CCDC30: variants seen among roughly 807,000 people sequenced by gnomAD.
CCDC30 encodes the protein coiled-coil domain containing 30, also known as coiled-coil domain-containing protein 30.
Under a neutral mutation model 100.2 loss-of-function variants are expected in CCDC30, and 70 were observed. The observed-to-expected ratio is 0.70, with a 90% CI of 0.58 to 0.85. CCDC30 has a LOEUF of 0.85. Among genes scored for constraint, CCDC30 ranks in the 40% least tolerant of loss-of-function variants. The pLI, the probability that CCDC30 is intolerant of heterozygous loss-of-function variation, is 0.00. For synonymous variants in CCDC30, 233 were observed against 269.5 expected (o/e 0.86, Z 1.33); for missense variants, 652 against 771.2 (o/e 0.85, Z 1.83).
chr1:42,467,781 AG>A (rs1253099331), intron 1 of CCDC30: 1 of 152,234 alleles, frequency 6.6e-6, no homozygotes, highest in Non-Finnish European at 1.5e-5. Context: ...GGGAAAATAC[AG>A]GTAACTTTGG....
intron 6 of CCDC30, among the ~76,000 whole-genome samples, chr1:42,541,985 A>G (rs1645020635): frequency 1.3e-5 from 2 of 152,238 alleles, no homozygotes. Context: ...ACTGCTGCCA[A>G]GTTACATGGT....
chr1:42,594,549 A>T (rs895393436), intron 10 of CCDC30: 1 of 152,186 alleles, frequency 6.6e-6, no homozygotes, highest in Admixed American at 6.5e-5. Context: ...CCAGGAACTT[A>T]TAATTAAGCA....
chr1:42,482,128 G>A (rs1208999545), intron 2 of CCDC30, among the ~76,000 whole-genome samples: 1 of 151,336 alleles, frequency 6.6e-6, no homozygotes, highest in Non-Finnish European at 1.5e-5. Flanking sequence ...TGAGGCAGGA[G>A]AATCGCTTGA....
At chr1:42,474,899 C>T (rs546210169) in intron 1 of CCDC30, among the ~76,000 whole-genome samples, 1 of 152,286 alleles carries the variant, frequency 6.6e-6, no homozygotes, top group East Asian at 1.9e-4. Context: ...ATATTAACTG[C>T]AAGCTTTTCA....
chr1:42,549,100 A>T (rs1478508915), intron 6 of CCDC30, among the ~76,000 whole-genome samples: 1 of 152,168 alleles, frequency 6.6e-6, no homozygotes, highest in Non-Finnish European at 1.5e-5. Context: ...AAACTTTAGG[A>T]ATTCTGCAGA....
At chr1:42,515,752 C>A (rs1644546663) in intron 6 of CCDC30, among the ~76,000 whole-genome samples, 1 of 152,178 alleles carries the variant, frequency 6.6e-6, no homozygotes, top group Non-Finnish European at 1.5e-5. Context: ...ATTTTACTAT[C>A]TGTCTCTATG....
At chr1:42,463,873 G>T (rs1643483999) in exon 1 of CCDC30, 1 of 152,152 alleles carries the variant, frequency 6.6e-6, no homozygotes, top group South Asian at 2.1e-4. Context: ...GAGGCCTTTT[G>T]TATCCTCAAC....
chr1:42,486,620 A>C (rs1276741032), intron 3 of CCDC30, among the ~76,000 whole-genome samples: 5 of 152,200 alleles, frequency 3.3e-5, no homozygotes, highest in Non-Finnish European at 5.9e-5. Context: ...CTCCACTGGG[A>C]GCGGACTCTT....
At chr1:42,461,298 C>T (rs1643404120), upstream of CCDC30, among the ~76,000 whole-genome samples, 1 of 152,128 alleles carries the variant, frequency 6.6e-6, no homozygotes, top group Non-Finnish European at 1.5e-5. Flanking sequence ...AAAAATACTG[C>T]AGCAGTCAAG....
Position 42,477,625 on chromosome 1 carries a change from G to C in CCDC30, c.-91-2836G>C, listed in dbSNP as rs139936501. 2.6e-5 allele frequency among the ~76,000 whole-genome samples: 4 copies of C among 152,350 alleles called. No individual in the cohort carries two copies. In the East Asian group the frequency reaches 7.7e-4, roughly 29 times the overall value. On this transcript the variant is annotated intron_variant, in intron 1 of 16. Coordinates refer to ENST00000668663, the Ensembl canonical transcript of CCDC30. Reference sequence around the variant, plus strand: ...AGCATGTTAATGATTTGGACTGCCAGTAAGCCTCAGTTTGTAAATCAATCC... The same window carrying C: ...AGCATGTTAATGATTTGGACTGCCACTAAGCCTCAGTTTGTAAATCAATCC...
the CCDC30 span, chr1:42,457,409 C>A: frequency 6.9e-7 from 1 of 1,455,086 alleles, no homozygotes; most frequent in Non-Finnish European, 9.7e-7. Context: ...GGGTTAATTT[C>A]CTCTTGATCT....
At chr1:42,637,470 C>A (rs1647183238) in intron 12 of CCDC30, 92 bp downstream of exon 16, 2 of 1,181,958 alleles carry the variant, frequency 1.7e-6, no homozygotes, top group South Asian at 1.3e-5. Flanking sequence ...TTATTTGAGA[C>A]CCCTTCATAG....
chr1:42,572,020 A>C (rs1407235034), intron 7 of CCDC30, among the ~76,000 whole-genome samples: 2 of 152,228 alleles, frequency 1.3e-5, no homozygotes, highest in Non-Finnish European at 2.9e-5. Context: ...ACACTCATGC[A>C]CATGTATCCT....
intron 10 of CCDC30, among the ~76,000 whole-genome samples, chr1:42,603,945 C>T (rs12072611): frequency 0.033 from 4,968 of 152,276 alleles, 281 homozygotes; most frequent in African/African-American, 0.11. Flanking sequence ...AAGGGACACG[C>T]ATAGTGGCTC....
chr1:42,611,248 T>A (rs2148642233), intron 11 of CCDC30, among the ~76,000 whole-genome samples, 158 bp downstream of exon 15: 1 of 152,246 alleles, frequency 6.6e-6, no homozygotes, highest in South Asian at 2.1e-4. Context: ...TCCACAGGGC[T>A]TTTCCTAGGG....
intron 6 of CCDC30, chr1:42,537,987 C>T (rs1644937810): frequency 7.2e-6 from 1 of 138,614 alleles, no homozygotes; most frequent in Admixed American, 7.3e-5. Flanking sequence ...AAAAAAAAAT[C>T]TGCATTTAGC....
intron 10 of CCDC30, chr1:42,593,877 G>C (rs993835149): frequency 4.0e-4 from 61 of 152,240 alleles, no homozygotes; most frequent in African/African-American, 1.3e-3. Context: ...CTTGATCCCT[G>C]CTAGCAGGGA....
chr1:42,584,179 T>C (rs1646022746), intron 9 of CCDC30, among the ~76,000 whole-genome samples: 1 of 152,228 alleles, frequency 6.6e-6, no homozygotes, highest in African/African-American at 2.4e-5. Flanking sequence ...TATTATCTCC[T>C]GTGGCCCACT....
chr1:42,543,064 C>T (rs1489198348), intron 6 of CCDC30, among the ~76,000 whole-genome samples: 1 of 152,088 alleles, frequency 6.6e-6, no homozygotes, highest in Non-Finnish European at 1.5e-5. Context: ...CCTTTATAAT[C>T]TGACCTCTCC....
Sources: allele counts gnomAD v4.1 joint callset (sites outside exome capture counted in the v4.1 genomes callset), GRCh38; gene constraint gnomAD v4.1.1; transcripts MANE v1.5; gene names NCBI Gene and HGNC (gene_info 2026-07-23, HGNC 2026-07-21).